The following CNFN variants were observed in gnomAD, a reference collection of about 807,000 sequenced individuals.
The protein encoded by CNFN is cornefied envelope protein cornefilin.
A neutral mutation model predicts 14.9 loss-of-function variants in CNFN; 10 were observed. That is an observed-to-expected ratio of 0.67 (90% confidence interval 0.41 to 1.14). The LOEUF is 1.14. CNFN is among the 50% of genes most tolerant of loss of function. The pLI, the probability that CNFN is intolerant of heterozygous loss-of-function variation, is 0.00. For missense variants in CNFN, 165 were observed against 152.8 expected (o/e 1.08, Z -0.42); for synonymous variants, 66 against 60.0 (o/e 1.10, Z -0.46).
chr19:42,389,504 TGTC>T (rs1262207706), intron 1 of CNFN: 1 of 1,290,296 alleles, frequency 7.8e-7, no homozygotes, highest in Non-Finnish European at 1.0e-6. Flanking sequence ...CCTTTCACGT[TGTC>T]GTGCATCTCA....
intron 3 of CNFN, 31 bp downstream of exon 3, chr19:42,387,309 T>C: frequency 6.2e-7 from 1 of 1,600,924 alleles, no homozygotes; most frequent in Non-Finnish European, 8.5e-7. Context: ...CCCAGCTCCC[T>C]GCTCCCGCGG....
At chr19:42,388,303 C>T (rs1420475661) in intron 2 of CNFN, among the ~76,000 whole-genome samples, 2 of 152,004 alleles carry the variant, frequency 1.3e-5, no homozygotes, top group Admixed American at 6.6e-5. Flanking sequence ...AATCAATTCT[C>T]TTTCTCAGCC....
At position 42,387,221 on chromosome 19, in the gene CNFN, C is replaced by A; in HGVS notation, c.271G>T (p.Ala91Ser). ...CAGGGCAGACAAAAGGTGAGGGCCG[C>A]CCAGTCGTGCCCGACGGAGCCCTAG... ...HIQGSVGHDW[A>S]ALTFCLPCAL... Residue 91 changes from alanine to serine, a missense_variant, in exon 4 of 4, where the codon GCG becomes TCG. Transcript: ENST00000222032. 6.2e-7 allele frequency: 1 copy of A among 1,614,110 alleles called. No individual in the cohort carries two copies. Among genetic ancestry groups the A allele is most frequent in the Non-Finnish European group, 8.5e-7 (1 of 1,179,986 alleles).
intron 1 of CNFN, 97 bp from the exon 2 acceptor site, chr19:42,389,136 G>A (rs1410048440): frequency 1.6e-5 from 14 of 899,558 alleles, no homozygotes; most frequent in Non-Finnish European, 2.4e-5. Flanking sequence ...CAGTCTGGGC[G>A]GGGCCGCCAG....
intron 2 of CNFN, among the ~76,000 whole-genome samples, chr19:42,387,974 C>A (rs1236657942): frequency 7.7e-6 from 1 of 130,458 alleles, no homozygotes. Flanking sequence ...AGCAATACTC[C>A]GTCTCAAAAA....
Position 42,388,001 on chromosome 19 carries a change from A to C in CNFN, c.113-525T>G, listed in dbSNP as rs921703172. On this transcript the variant is annotated intron_variant, in intron 2 of 3. Coordinates refer to ENST00000222032, the MANE Select transcript of CNFN (RefSeq NM_032488.4). ...TCTCAAAAAAAACAAAAAACAAAAC[A>C]AAAAAAAAAACGAAAGAAAGAAAAA... Among the ~76,000 whole-genome samples the C allele has an allele frequency of 5.9e-4, 84 of 141,460 alleles. 3 individuals are homozygous for C. The highest frequency in any genetic ancestry group is 4.8e-4 in the Non-Finnish European group (31 of 64,896). 92.8% of individuals were successfully genotyped at this position (141,460 alleles called of 152,430 possible). A position where few individuals can be genotyped will look rare whatever the true frequency, so the allele number is the denominator to read the frequency against.
At chr19:42,387,941 T>C (rs1246974288) in intron 2 of CNFN, among the ~76,000 whole-genome samples, 5 of 143,024 alleles carry the variant, frequency 3.5e-5, no homozygotes, top group Admixed American at 2.1e-4. Context: ...GACTGTGCCA[T>C]TGCATTCCAG....
Position 42,387,475 on chromosome 19 carries a change from A to G in CNFN, c.114T>C (p.Cys38=). 3.2e-6 allele frequency: 5 copies of G among 1,571,930 alleles called. No homozygotes were observed. The highest frequency in any genetic ancestry group is 4.3e-6 in the Non-Finnish European group (5 of 1,161,202). Residue 38 remains cysteine (C), a splice_region_variant and synonymous_variant, in exon 3 of 4, where the codon TGT becomes TGC. Transcript: ENST00000222032. ...ACAGAGGAGCAAAAGTGCCGCACAG[A>G]CCTGGGCGGGGCGCAGGCGCTCAGG... ...LTDCCNDMPV[C]LCGTFAPLCL... is the part of the protein sequence containing the mutation.
In CNFN at chr19:42,387,149, T is replaced by C; in HGVS notation, c.*4A>G. 2 of 1,614,148 alleles carry C rather than the reference T, an allele frequency of 1.2e-6. No individual in the cohort carries two copies. The highest frequency in any genetic ancestry group is 8.5e-7 in the Non-Finnish European group (1 of 1,179,980). The stretch of plus-strand genomic sequence containing the variant: ...GAAAAGGACGGGGAAGACAGGGAAC[T>C]TCCTTACTCTCGGATCTTCAGTTCC... On this transcript the variant is annotated 3_prime_UTR_variant, in exon 4 of 4. Transcript: ENST00000222032.
intron 1 of CNFN, chr19:42,389,653 C>T: frequency 2.4e-6 from 1 of 411,348 alleles, no homozygotes; most frequent in Non-Finnish European, 4.1e-6. Flanking sequence ...GGGGGCTGGG[C>T]TCTCAGGGGG....
chr19:42,390,197 C>G (rs564224167), intron 1 of CNFN, 43 bp downstream of exon 1: 1 of 153,176 alleles, frequency 6.5e-6, no homozygotes, highest in Non-Finnish European at 1.5e-5. Flanking sequence ...AGAGCAGAGG[C>G]GCCCAACCTC....
rs778119299 is a variant in CNFN at position 42,387,478 on chromosome 19, TGGGCGGGGCGCAGGCGCTCAG to T, written c.113-23_113-3del. 24 of 1,564,340 alleles carry T rather than the reference TGGGCGGGGCGCAGGCGCTCAG, an allele frequency of 1.5e-5. No individual in the cohort carries two copies. Among genetic ancestry groups the T allele is most frequent in the Non-Finnish European group, 2.1e-5 (24 of 1,157,354 alleles). Reference sequence around the variant, plus strand: ...GAGGAGCAAAAGTGCCGCACAGACCTGGGCGGGGCGCAGGCGCTCAGGGGCGGGGCCAGCCGGGGCCTCCCG... The same window carrying T: ...GAGGAGCAAAAGTGCCGCACAGACCTGGGCGGGGCCAGCCGGGGCCTCCCG... On this transcript the variant is annotated splice_polypyrimidine_tract_variant and splice_region_variant and intron_variant, in intron 2 of 3. Coordinates refer to ENST00000222032, the MANE Select transcript of CNFN (RefSeq NM_032488.4).
At chr19:42,389,776 C>A (rs1018952393) in intron 1 of CNFN, among the ~76,000 whole-genome samples, 4 of 152,158 alleles carry the variant, frequency 2.6e-5, no homozygotes, top group African/African-American at 9.7e-5. Context: ...AACTGCCCGA[C>A]AGATTGCAGA....
chr19:42,389,455 C>T (rs758488094), intron 1 of CNFN: 1 of 1,292,186 alleles, frequency 7.7e-7, no homozygotes, highest in Middle Eastern at 2.2e-4. Context: ...GGTTCCAGTA[C>T]TGAGAGGGTT....
intron 2 of CNFN, 82 bp from the exon 3 acceptor site, chr19:42,387,558 G>T (rs957954292): frequency 5.1e-5 from 53 of 1,043,042 alleles, no homozygotes; most frequent in Non-Finnish European, 6.8e-6. Flanking sequence ...CGGTTGATTC[G>T]CCGCGGAGGG....
At chr19:42,387,298 C>CCCCAGCT in intron 3 of CNFN, 42 bp downstream of exon 3, 1 of 1,603,872 alleles carries the variant, frequency 6.2e-7, no homozygotes, top group Non-Finnish European at 8.5e-7. Context: ...GGAGGCCAGT[C>CCCCAGCT]CCCAGCTCCC....
At chr19:42,387,572 T>C (rs911586526) in intron 2 of CNFN, 96 bp from the exon 3 acceptor site, 10 of 872,062 alleles carry the variant, frequency 1.1e-5, no homozygotes, top group African/African-American at 8.8e-5. Flanking sequence ...CGGAGGGGCA[T>C]TGAGGGTCCC....
At chr19:42,390,092 G>A (rs1159614488) in intron 1 of CNFN, 148 bp downstream of exon 1, 2 of 159,464 alleles carry the variant, frequency 1.3e-5, no homozygotes, top group South Asian at 1.8e-4. Flanking sequence ...ACAGATTTGG[G>A]GGCATTGGGA....
chr19:42,388,484 C>A (rs938074342), intron 2 of CNFN, among the ~76,000 whole-genome samples: 5 of 152,144 alleles, frequency 3.3e-5, no homozygotes, highest in Non-Finnish European at 5.9e-5. Context: ...TGAGCCACTG[C>A]GCCCGACCTA....
Sources: allele counts gnomAD v4.1 joint callset (sites outside exome capture counted in the v4.1 genomes callset), GRCh38; gene constraint gnomAD v4.1.1; transcripts MANE v1.5; gene names NCBI Gene and HGNC (gene_info 2026-07-23, HGNC 2026-07-21).